The following AUTS2 variants were observed in gnomAD, a reference collection of about 807,000 sequenced individuals.
The protein encoded by AUTS2 is autism susceptibility gene 2 protein.
Under a neutral mutation model 112.4 loss-of-function variants are expected in AUTS2, and 17 were observed. The ratio of observed to expected loss-of-function variants is 0.15; its 90% confidence interval spans 0.10 to 0.23. AUTS2 has a LOEUF of 0.23. AUTS2 is among the 10% of genes least tolerant of loss of function. The probability of loss-of-function intolerance (pLI) is 1.00; values close to 1 mark genes in which losing one functional copy is unlikely to be tolerated. For missense variants in AUTS2, 1,510 were observed against 1,701.6 expected (o/e 0.89, Z 1.98); for synonymous variants, 751 against 702.7 (o/e 1.07, Z -1.09).
At chr7:69,832,203 G>A (rs987867803) in intron 1 of AUTS2, among the ~76,000 whole-genome samples, 2 of 152,096 alleles carry the variant, frequency 1.3e-5, no homozygotes, top group South Asian at 2.1e-4. Flanking sequence ...CTCCTGCAGC[G>A]TTTTAAACCT....
rs999047913 is a variant in AUTS2 at position 70,646,833 on chromosome 7, C to T, written c.691-51736C>T. The stretch of plus-strand genomic sequence containing the variant: ...CTGGCCCAGAAGCTGGGGCCAGGAC[C>T]GGGCCAGCCAGCTCAGAGGCTGTTG... On this transcript the variant is annotated intron_variant, in intron 5 of 18. Transcript: ENST00000342771. 4.6e-5 allele frequency among the ~76,000 whole-genome samples: 7 copies of T among 152,310 alleles called. No homozygotes were observed. The East Asian group carries it at 1.4e-3, about 30-fold the overall frequency.
At chr7:70,644,842 GTA>G (rs1806063189) in intron 5 of AUTS2, among the ~76,000 whole-genome samples, 2 of 152,108 alleles carry the variant, frequency 1.3e-5, no homozygotes, top group Admixed American at 1.3e-4. Context: ...GCCCAACTCT[GTA>G]GTCCAGCAAA....
intron 4 of AUTS2, among the ~76,000 whole-genome samples, chr7:70,181,470 T>A (rs1006669529): frequency 6.6e-6 from 1 of 151,982 alleles, no homozygotes. Context: ...TTCACAGTTC[T>A]GCTAAAGTTA....
intron 5 of AUTS2, among the ~76,000 whole-genome samples, chr7:70,451,061 G>A (rs1289209190): frequency 6.6e-6 from 1 of 152,166 alleles, no homozygotes; most frequent in Admixed American, 6.5e-5. Flanking sequence ...TTAGTTCAGT[G>A]TCTGGGAGAC....
At chr7:70,358,316 G>A (rs1390816842) in intron 4 of AUTS2, among the ~76,000 whole-genome samples, 2 of 152,200 alleles carry the variant, frequency 1.3e-5, no homozygotes, top group African/African-American at 4.8e-5. Flanking sequence ...CCATCTCTGA[G>A]TTTCCTTTTT....
intron 4 of AUTS2, among the ~76,000 whole-genome samples, chr7:70,343,641 G>A (rs921696283): frequency 7.2e-5 from 11 of 152,186 alleles, no homozygotes; most frequent in Non-Finnish European, 1.5e-5. Flanking sequence ...GATGTAACAT[G>A]TAAGGGAAAT....
intron 4 of AUTS2, among the ~76,000 whole-genome samples, chr7:70,163,324 T>C (rs1046403360): frequency 9.7e-4 from 64 of 66,050 alleles, no homozygotes; most frequent in African/African-American, 3.2e-3. Context: ...ATACCAAAGA[T>C]GAGTGTTAGG....
chr7:69,784,316 A>G (rs1381632458), intron 1 of AUTS2, among the ~76,000 whole-genome samples: 1 of 152,180 alleles, frequency 6.6e-6, no homozygotes, highest in African/African-American at 2.4e-5. Flanking sequence ...TTCCTCTCAT[A>G]ACTTGAAGTA....
chr7:70,317,513 C>T (rs534169582), intron 4 of AUTS2, among the ~76,000 whole-genome samples: 30 of 152,304 alleles, frequency 2.0e-4, no homozygotes, highest in Admixed American at 2.0e-3. Flanking sequence ...TTCCTGTTGA[C>T]ATTTGATGAA....
chr7:70,060,235 G>T (rs1021972716), intron 2 of AUTS2, among the ~76,000 whole-genome samples: 2 of 152,104 alleles, frequency 1.3e-5, no homozygotes, highest in African/African-American at 4.8e-5. Context: ...CATTTGAGCT[G>T]AACAGCTTTA....
intron 4 of AUTS2, among the ~76,000 whole-genome samples, chr7:70,145,790 A>C (rs950663823): frequency 6.6e-6 from 1 of 152,108 alleles, no homozygotes; most frequent in African/African-American, 2.4e-5. Flanking sequence ...GTGTCATTAC[A>C]TTCTGTTTTC....
chr7:70,650,662 G>A (rs552085273), intron 5 of AUTS2, among the ~76,000 whole-genome samples: 66 of 152,290 alleles, frequency 4.3e-4, no homozygotes, highest in African/African-American at 1.4e-3. Context: ...CTAGTATCTC[G>A]TTGATTGCTA....
At chr7:69,691,921 C>G (rs1237868597) in intron 1 of AUTS2, among the ~76,000 whole-genome samples, 1 of 152,178 alleles carries the variant, frequency 6.6e-6, no homozygotes, top group South Asian at 2.1e-4. Flanking sequence ...GAAGCCTCCA[C>G]CCATGGATCT....
intron 6 of AUTS2, among the ~76,000 whole-genome samples, chr7:70,732,282 A>C (rs1787460890): frequency 6.6e-6 from 1 of 152,192 alleles, no homozygotes; most frequent in African/African-American, 2.4e-5. Context: ...CGTGCATCAG[A>C]ATTTCTAGCA....
chr7:70,190,606 T>C (rs1809830365), intron 4 of AUTS2, among the ~76,000 whole-genome samples: 1 of 152,184 alleles, frequency 6.6e-6, no homozygotes, highest in Non-Finnish European at 1.5e-5. Flanking sequence ...TGCATTCGGG[T>C]AAGGTGATGG....
chr7:69,905,586 C>T (rs1435151246), intron 2 of AUTS2, among the ~76,000 whole-genome samples: 3 of 152,082 alleles, frequency 2.0e-5, no homozygotes, highest in African/African-American at 7.2e-5. Flanking sequence ...GACCATTTCG[C>T]CTTTCCTCTG....
chr7:70,015,803 CT>C (rs59809437), intron 2 of AUTS2, among the ~76,000 whole-genome samples: 2,487 of 138,768 alleles, frequency 0.018, 36 homozygotes, highest in African/African-American at 0.04. Context: ...TAAATATTCA[CT>C]TTTTTTTTTT....
intron 4 of AUTS2, among the ~76,000 whole-genome samples, chr7:70,213,536 C>G (rs10224300): frequency 3.2e-5 from 4 of 124,934 alleles, no homozygotes; most frequent in African/African-American, 6.5e-5. Flanking sequence ...AAGACCCTGT[C>G]TCAAAAAAAA....
intron 2 of AUTS2, among the ~76,000 whole-genome samples, chr7:69,995,138 CAT>C (rs1798890709): frequency 6.6e-6 from 1 of 152,146 alleles, no homozygotes; most frequent in South Asian, 2.1e-4. Context: ...TGATGGATCA[CAT>C]GTTTTTTTCT....
Sources: allele counts gnomAD v4.1 joint callset (sites outside exome capture counted in the v4.1 genomes callset), GRCh38; gene constraint gnomAD v4.1.1; transcripts MANE v1.5; gene names NCBI Gene and HGNC (gene_info 2026-07-23, HGNC 2026-07-21).